Variants in RALGAPA2 observed in about 807,000 individuals in gnomAD.
The protein encoded by RALGAPA2 is Ral GTPase activating protein catalytic subunit alpha 2.
In RALGAPA2, 139 loss-of-function variants were observed where a neutral mutation model predicts 230.4. The observed-to-expected ratio is 0.60, with a 90% CI of 0.53 to 0.69. RALGAPA2 has a LOEUF of 0.69. RALGAPA2 is among the 30% of genes least tolerant of loss of function. The pLI is 0.00. For synonymous variants in RALGAPA2, 847 were observed against 837.8 expected, an observed-to-expected ratio of 1.01 and a Z score of -0.19; for missense variants, 2,163 against 2,276.0, an observed-to-expected ratio of 0.95 and a Z score of 1.01.
At chr20:20,400,798 G>C (rs551651033) in intron 38 of RALGAPA2, among the ~76,000 whole-genome samples, 1 of 152,154 alleles carries the variant, frequency 6.6e-6, no homozygotes, top group African/African-American at 2.4e-5. Flanking sequence ...CCATCAACTG[G>C]TGAATGGACC....
chr20:20,495,000 A>T, intron 36 of RALGAPA2, 117 bp downstream of exon 36: 1 of 906,610 alleles, frequency 1.1e-6, no homozygotes. Flanking sequence ...TATATGTAAG[A>T]CATTCAACAA....
At chr20:20,589,135 A>G in intron 18 of RALGAPA2, 133 bp downstream of exon 18, 1 of 1,222,764 alleles carries the variant, frequency 8.2e-7, no homozygotes, top group South Asian at 2.0e-5. Flanking sequence ...AGATCTCAAC[A>G]TCATTTGGGC....
intron 1 of RALGAPA2, among the ~76,000 whole-genome samples, chr20:20,693,911 C>T (rs1470841682): frequency 6.6e-6 from 1 of 152,068 alleles, no homozygotes; most frequent in Non-Finnish European, 1.5e-5. Flanking sequence ...CAAGACCAGC[C>T]TAGGTAACAT....
intron 35 of RALGAPA2, among the ~76,000 whole-genome samples, chr20:20,496,519 A>G (rs1417978130): frequency 6.6e-6 from 1 of 152,222 alleles, no homozygotes; most frequent in Non-Finnish European, 1.5e-5. Flanking sequence ...GTGGAACTGC[A>G]GAAGGATGCT....
chr20:20,460,156 C>A (rs2061267968), intron 37 of RALGAPA2, among the ~76,000 whole-genome samples: 1 of 152,200 alleles, frequency 6.6e-6, no homozygotes, highest in African/African-American at 2.4e-5. Context: ...CTAGTTGGGG[C>A]TGGGAGAACG....
At chr20:20,649,868 C>CTCTA (rs1395878953) in intron 4 of RALGAPA2, among the ~76,000 whole-genome samples, 1 of 152,200 alleles carries the variant, frequency 6.6e-6, no homozygotes, top group Non-Finnish European at 1.5e-5. Context: ...TTGCCTCACT[C>CTCTA]TCTATCAGTT....
In RALGAPA2 at chr20:20,515,332, C is replaced by T. The variant is rs1314025156; in HGVS notation, c.4085-2048G>A. On this transcript the variant is annotated intron_variant, in intron 31 of 39. Transcript: ENST00000202677. ...GCAGATTGGAGGCAGTGTTAGCATG[C>T]GTCTCCCACTGGGAAGGACAGAATA... Among the ~76,000 whole-genome samples, 6 of 152,296 alleles carry T rather than the reference C, an allele frequency of 3.9e-5. No individual in the cohort carries two copies. In the East Asian group the frequency reaches 7.7e-4, roughly 20 times the overall value.
chr20:20,585,419 T>C (rs2065105159), intron 18 of RALGAPA2, among the ~76,000 whole-genome samples: 1 of 152,146 alleles, frequency 6.6e-6, no homozygotes, highest in African/African-American at 2.4e-5. Flanking sequence ...CTCCTGAGCA[T>C]TGCTTAACCT....
chr20:20,652,358 A>G (rs980140786), intron 4 of RALGAPA2, among the ~76,000 whole-genome samples: 8 of 152,056 alleles, frequency 5.3e-5, no homozygotes, highest in Non-Finnish European at 8.8e-5. Context: ...GCCTTCCTCA[A>G]TTCCTCTGAA....
At chr20:20,505,130 T>C (rs1459214912) in intron 34 of RALGAPA2, 3 of 985,344 alleles carry the variant, frequency 3.0e-6, no homozygotes, top group African/African-American at 1.7e-5. Context: ...CTTCTCTTAC[T>C]ACAAACTGTC....
intron 17 of RALGAPA2, among the ~76,000 whole-genome samples, chr20:20,590,887 G>A (rs1262149069): frequency 2.6e-5 from 4 of 151,772 alleles, no homozygotes; most frequent in Admixed American, 2.0e-4. Context: ...AACAGCCTCC[G>A]TCTTCCTTCT....
At chr20:20,522,083 C>A (rs1346882389) in intron 30 of RALGAPA2, among the ~76,000 whole-genome samples, 1 of 151,372 alleles carries the variant, frequency 6.6e-6, no homozygotes, top group Admixed American at 6.6e-5. Flanking sequence ...TTTCTAGTAG[C>A]CAAAATGCAA....
At position 20,686,245 on chromosome 20, in the gene RALGAPA2, C is replaced by A. The variant is rs1199309160; in HGVS notation, c.107-5444G>T. On this transcript the variant is annotated intron_variant, in intron 1 of 39. Transcript: ENST00000202677. ...TAAACACTCCAATCCTCAATTTCATCTTAAAAATAGGGCTAACAGGCCAGG... is the reference window on the plus strand; with the variant it reads ...TAAACACTCCAATCCTCAATTTCATATTAAAAATAGGGCTAACAGGCCAGG... Among the ~76,000 whole-genome samples, 4 of 152,140 alleles carry A rather than the reference C, an allele frequency of 2.6e-5. No individual in the cohort carries two copies. In the East Asian group the frequency reaches 7.7e-4, roughly 29 times the overall value.
Position 20,712,625 on chromosome 20 carries a change from G to C in RALGAPA2, c.-145C>G, listed in dbSNP as rs937153181. On this transcript the variant is annotated 5_prime_UTR_variant, in exon 1 of 40. Transcript: ENST00000202677. The surrounding 1 kb of genome is among the most constrained non-coding windows in gnomAD (Gnocchi z 5.5). ...TGCTGCCGCCGCCGCCGCCGCCGCC[G>C]CCGCCTCAGCTGTGTCTCCAGGAAG... 5 of 1,185,936 alleles carry C rather than the reference G, an allele frequency of 4.2e-6. No individual in the cohort carries two copies. In the African/African-American group the frequency reaches 4.8e-5, roughly 12 times the overall value. The allele number at this position is 1,185,936 out of a possible 1,614,324, so 73.5% of individuals were successfully genotyped here. A position where few individuals can be genotyped will look rare whatever the true frequency, so the allele number is the denominator to read the frequency against.
At chr20:20,686,829 C>T (rs548337698) in intron 1 of RALGAPA2, among the ~76,000 whole-genome samples, 1 of 152,284 alleles carries the variant, frequency 6.6e-6, no homozygotes, top group South Asian at 2.1e-4. Context: ...CACAGTCTCA[C>T]AAAAACCTGC....
Position 20,458,714 on chromosome 20 carries a change from C to CTA in RALGAPA2, c.5495+14113_5495+14114dup, listed in dbSNP as rs1424204818. Among the ~76,000 whole-genome samples the CTA allele has an allele frequency of 1.3e-3, 145 of 107,700 alleles. 1 individual carries two copies. Among genetic ancestry groups the CTA allele is most frequent in the Middle Eastern group, 7.4e-3 (1 of 136 alleles). 70.7% of individuals were successfully genotyped at this position (107,700 alleles called of 152,430 possible). A position where few individuals can be genotyped will look rare whatever the true frequency, so the allele number is the denominator to read the frequency against. On this transcript the variant is annotated intron_variant, in intron 37 of 39. Coordinates refer to ENST00000202677, the MANE Select transcript of RALGAPA2 (RefSeq NM_020343.4). ...CCTATATATATATACACACACACAC[C>CTA]TATATATATATATACACACACCTAT...
intron 15 of RALGAPA2, 78 bp downstream of exon 15, chr20:20,605,097 A>T: frequency 7.9e-7 from 1 of 1,270,358 alleles, no homozygotes; most frequent in East Asian, 2.5e-5. Flanking sequence ...AATTTCGCGC[A>T]TTAATTGCTT....
intron 3 of RALGAPA2, among the ~76,000 whole-genome samples, chr20:20,658,238 G>C (rs1035122008): frequency 1.3e-5 from 2 of 152,150 alleles, no homozygotes; most frequent in Non-Finnish European, 2.9e-5. Flanking sequence ...ACAAGTCAAA[G>C]GCTGAAACAT....
chr20:20,511,422 C>A, intron 32 of RALGAPA2, 97 bp from the exon 33 acceptor site: 1 of 1,443,216 alleles, frequency 6.9e-7, no homozygotes, highest in Non-Finnish European at 9.1e-7. Flanking sequence ...ATCATCCATC[C>A]TCTACCACCT....
Sources: gnomAD v4.1 joint callset for allele counts (sites outside exome capture counted in the v4.1 genomes callset) on GRCh38, gnomAD v4.1.1 for gene constraint, Gnocchi (gnomAD v3.1) non-coding constraint, MANE v1.5 for transcripts, NCBI Gene and HGNC (gene_info 2026-07-23, HGNC 2026-07-21) for gene names.